DENND4A: variants seen among roughly 807,000 people sequenced by gnomAD.
DENND4A encodes DENN domain containing 4A.
DENND4A carries 70 observed loss-of-function variants against 199.3 expected under a neutral mutation model. The ratio of observed to expected loss-of-function variants is 0.35; its 90% CI spans 0.29 to 0.43. The LOEUF (loss-of-function observed/expected upper bound fraction) is 0.43, where lower values mean the gene tolerates loss of function less well. Ranked by LOEUF, DENND4A falls within the 20% of genes least tolerant of loss-of-function variation. The probability of loss-of-function intolerance (pLI) is 1.00; values close to 1 mark genes in which losing one functional copy is unlikely to be tolerated. For missense variants in DENND4A, 1,723 were observed against 2,255.8 expected (o/e 0.76, Z 4.78); for synonymous variants, 686 against 766.9 (o/e 0.89, Z 1.74).
intron 9 of DENND4A, chr15:65,731,440 A>C (rs1038085610): frequency 3.4e-6 from 2 of 592,912 alleles, no homozygotes; most frequent in African/African-American, 3.7e-5. Context: ...TAATAGATAC[A>C]CAAAATACAA....
At chr15:65,665,811 ACATCTTTGTCACT>A (rs2076017191) in intron 29 of DENND4A, among the ~76,000 whole-genome samples, 1 of 152,180 alleles carries the variant, frequency 6.6e-6, no homozygotes, top group Non-Finnish European at 1.5e-5. Flanking sequence ...CGCTGAGTTC[ACATCTTTGTCACT>A]CATGTATGAT....
chr15:65,773,649 C>T (rs968102738), intron 1 of DENND4A, among the ~76,000 whole-genome samples: 2 of 152,124 alleles, frequency 1.3e-5, no homozygotes, highest in Admixed American at 1.3e-4. Flanking sequence ...TTTGAATATA[C>T]CTCAATAAAG....
Position 65,737,847 on chromosome 15 carries a change from C to T in DENND4A, c.900G>A (p.Lys300=), listed in dbSNP as rs1327402854. ...LLLGLTSADG[K]SDSSKTIHTN... ...TATGAATTGTTTTGGAACTATCAGA[C>T]TTCCCATCTGCTGATGTTAAACCCA... Residue 300 remains lysine (K), a synonymous_variant, in exon 7 of 33, where the codon AAG becomes AAA. Coordinates refer to ENST00000443035, the MANE Select transcript of DENND4A (RefSeq NM_001320835.1). The T allele has an allele frequency of 1.9e-6, 3 of 1,604,376 alleles. No individual in the cohort carries two copies. Among genetic ancestry groups the T allele is most frequent in the Admixed American group, 1.7e-5 (1 of 58,692 alleles).
At chr15:65,771,789 T>C (rs977548147) in intron 1 of DENND4A, 26 of 1,613,618 alleles carry the variant, frequency 1.6e-5, no homozygotes, top group Non-Finnish European at 2.2e-5. Context: ...TACATGCTTG[T>C]TCTTCATTGC....
intron 1 of DENND4A, among the ~76,000 whole-genome samples, chr15:65,763,594 T>G (rs1361003483): frequency 6.6e-6 from 1 of 150,428 alleles, no homozygotes; most frequent in Non-Finnish European, 1.5e-5. Flanking sequence ...GAGGATTGCT[T>G]GAGCCCAGGA....
intron 15 of DENND4A, 184 bp downstream of exon 15, chr15:65,705,907 T>C: frequency 1.3e-6 from 1 of 759,856 alleles, no homozygotes; most frequent in Non-Finnish European, 1.6e-6. Flanking sequence ...TATGCAAAAT[T>C]ATATATGTTT....
intron 11 of DENND4A, among the ~76,000 whole-genome samples, chr15:65,723,956 A>G (rs1351191383): frequency 6.6e-6 from 1 of 152,070 alleles, no homozygotes; most frequent in East Asian, 1.9e-4. Context: ...CAATTACAAC[A>G]CAGTTGGTCT....
chr15:65,740,925 G>A (rs558067270), intron 5 of DENND4A, among the ~76,000 whole-genome samples: 4 of 151,928 alleles, frequency 2.6e-5, no homozygotes, highest in Admixed American at 6.6e-5. Flanking sequence ...TCATACCACT[G>A]TACTCCAGCC....
rs200443198 is a variant in DENND4A, at chr15:65,691,019, C to T, written c.3575G>A (p.Arg1192His). 1.5e-4 allele frequency: 244 copies of T among 1,611,438 alleles called. 1 individual carries two copies. In the African/African-American group the frequency reaches 2.4e-3, roughly 16 times the overall value. ...TTTTACTGAAAAGCTGCTGTTCATA[C>T]GTTGAATCCTCTTGGGATTTTGTGT... The part of the protein sequence containing the change: ...VATQNPKRIQ[R>H]MNSSFSVKPF... The change falls in exon 23 of 33, where the codon CGT (arginine) becomes CAT (histidine). Residue 1192 changes from arginine to histidine, a missense_variant. Physicochemically the swap from Arg to His is conservative, Grantham distance 29. Transcript: ENST00000443035.
In DENND4A at chr15:65,752,497, G is replaced by T. The variant is rs1305263876; in HGVS notation, c.443C>A (p.Ser148Tyr). Residue 148 changes from serine to tyrosine, a missense_variant, in exon 4 of 33, where the codon TCT becomes TAT. Ser to Tyr is a moderately radical substitution (Grantham distance 144). Coordinates refer to ENST00000443035, the MANE Select transcript of DENND4A (RefSeq NM_001320835.1). ...CAACGTATTCTGAGTCATGTTTTCA[G>T]AGGCTCTTCGGTAAGTGATATAAAT... ...QRIYITYRRA[S>Y]ENMTQNTLAV... The T allele has an allele frequency of 6.2e-7, 1 of 1,613,528 alleles. No homozygotes were observed. The highest frequency in any genetic ancestry group is 1.3e-5 in the African/African-American group (1 of 74,838).
In DENND4A at chr15:65,737,863, G is replaced by A. The variant is rs774250488; in HGVS notation, c.884C>T (p.Thr295Ile). The A allele has an allele frequency of 6.1e-5, 98 of 1,605,072 alleles. No homozygotes were observed. Among genetic ancestry groups the A allele is most frequent in the Non-Finnish European group, 8.2e-5 (96 of 1,175,382 alleles). Reference sequence around the variant, plus strand: ...ACTATCAGACTTCCCATCTGCTGATGTTAAACCCAAAAGAAGTCTCTGCTT... The same window carrying A: ...ACTATCAGACTTCCCATCTGCTGATATTAAACCCAAAAGAAGTCTCTGCTT... ...TEKQRLLLGLTSADGKSDSSK... is the reference protein window; with the variant it reads ...TEKQRLLLGLISADGKSDSSK... Residue 295 changes from threonine to isoleucine, a missense_variant, in exon 7 of 33, where the codon ACA becomes ATA. This residue lies in a region of DENND4A where 725 missense variants were observed against 952.9 expected (regional missense o/e 0.76). Transcript: ENST00000443035.
At chr15:65,766,065 A>G (rs576076410) in intron 1 of DENND4A, among the ~76,000 whole-genome samples, 1 of 152,302 alleles carries the variant, frequency 6.6e-6, no homozygotes, top group East Asian at 1.9e-4. Context: ...CCTGGCCAAC[A>G]TAGTGAAACC....
chr15:65,745,358 C>CTTA (rs2076360814), intron 4 of DENND4A, among the ~76,000 whole-genome samples: 1 of 151,996 alleles, frequency 6.6e-6, no homozygotes, highest in Non-Finnish European at 1.5e-5. Flanking sequence ...AAAATAAAAA[C>CTTA]CCTTAACCTT....
chr15:65,748,956 A>G (rs2076487519), intron 4 of DENND4A, among the ~76,000 whole-genome samples: 1 of 150,428 alleles, frequency 6.6e-6, no homozygotes, highest in African/African-American at 2.4e-5. Flanking sequence ...GCAGTCCACT[A>G]TACTCCAGCC....
At chr15:65,784,630 T>G (rs1319557351) in intron 1 of DENND4A, among the ~76,000 whole-genome samples, 1 of 152,178 alleles carries the variant, frequency 6.6e-6, no homozygotes, top group African/African-American at 2.4e-5. Flanking sequence ...TATAGTGGGT[T>G]GGACAAAAAC....
intron 1 of DENND4A, among the ~76,000 whole-genome samples, chr15:65,767,626 A>G (rs2077020558): frequency 6.6e-6 from 1 of 152,182 alleles, no homozygotes; most frequent in African/African-American, 2.4e-5. Flanking sequence ...AATTTTTAAA[A>G]TGCAACTGAT....
At chr15:65,665,513 A>AT (rs1256706659) in intron 29 of DENND4A, 51 bp from the exon 30 acceptor site, 1 of 1,371,410 alleles carries the variant, frequency 7.3e-7, no homozygotes, top group African/African-American at 1.5e-5. Flanking sequence ...ATAATTTTTC[A>AT]TAAGTATTTT....
Position 65,664,484 on chromosome 15 carries a change from T to C in DENND4A, c.5522+76A>G, listed in dbSNP as rs2075972582. The stretch of plus-strand genomic sequence containing the variant: ...ATTTAATGCTATCATAAGCATGAGA[T>C]ATTCTAACAAATTACTAAGCAAACA... On this transcript the variant is annotated intron_variant, in intron 31 of 32. Transcript: ENST00000443035. 1.5e-5 allele frequency: 23 copies of C among 1,533,968 alleles called. No homozygotes were observed. In the South Asian group the frequency reaches 2.4e-4, roughly 16 times the overall value.
intron 1 of DENND4A, among the ~76,000 whole-genome samples, chr15:65,788,179 C>T (rs576545777): frequency 3.7e-4 from 57 of 152,106 alleles, no homozygotes; most frequent in Middle Eastern, 3.4e-3. Context: ...CAGGTTCACG[C>T]CATTCTCCTG....
Sources: allele counts gnomAD v4.1 joint callset (sites outside exome capture counted in the v4.1 genomes callset), GRCh38; gene constraint gnomAD v4.1.1; regional missense constraint gnomAD v4.1.1; transcripts MANE v1.5; gene names NCBI Gene and HGNC (gene_info 2026-07-23, HGNC 2026-07-21).